ATL2: variants seen among roughly 807,000 people sequenced by gnomAD.
The protein encoded by ATL2 is atlastin GTPase 2, also known as atlastin-2.
In ATL2, 31 loss-of-function variants were observed where a neutral mutation model predicts 73.9. That is an observed-to-expected ratio of 0.42 (90% CI 0.32 to 0.57). ATL2 has a LOEUF of 0.57. ATL2 is among the 20% of genes least tolerant of loss of function. ATL2 has a pLI of 0.14. For synonymous variants in ATL2, 291 were observed against 237.5 expected (o/e 1.23, Z -2.07); for missense variants, 738 against 702.6 (o/e 1.05, Z -0.57).
intron 2 of ATL2, among the ~76,000 whole-genome samples, chr2:38,329,085 A>C (rs1668829575): frequency 6.6e-6 from 1 of 151,230 alleles, no homozygotes; most frequent in African/African-American, 2.4e-5. Context: ...GGAAAGAAAC[A>C]AACTACCAAA....
chr2:38,348,371 G>A (rs1670145773), intron 1 of ATL2, among the ~76,000 whole-genome samples: 1 of 151,648 alleles, frequency 6.6e-6, no homozygotes. Flanking sequence ...GAGGCTGAGG[G>A]AGGAGAATTG....
At chr2:38,305,798 A>G (rs999329878) in intron 9 of ATL2, among the ~76,000 whole-genome samples, 2 of 152,176 alleles carry the variant, frequency 1.3e-5, no homozygotes, top group Admixed American at 6.5e-5. Context: ...CTAAGAAACT[A>G]TATGGTAATA....
chr2:38,335,664 G>C (rs980447804), intron 2 of ATL2, among the ~76,000 whole-genome samples: 1 of 148,288 alleles, frequency 6.7e-6, no homozygotes, highest in Non-Finnish European at 1.5e-5. Context: ...AGAGACAGTG[G>C]TTACTATAAC....
chr2:38,331,609 T>C (rs974456736), intron 2 of ATL2, among the ~76,000 whole-genome samples: 5 of 82,176 alleles, frequency 6.1e-5, no homozygotes, highest in Admixed American at 2.5e-4. Context: ...CAAGACTCCA[T>C]CTCAAAAAAA....
intron 1 of ATL2, among the ~76,000 whole-genome samples, chr2:38,366,738 C>T (rs568135594): frequency 4.6e-5 from 7 of 152,218 alleles, no homozygotes; most frequent in African/African-American, 1.4e-4. Context: ...GAACAAGCAT[C>T]TGTCTACATT....
chr2:38,375,156 C>T lies in ATL2; in HGVS notation c.118+1987G>A, dbSNP rs981867131. Reference sequence around the variant, plus strand: ...CTAACACTAAACTACTCAAGTGACACTTGACCCCAACTTGGTTTTTGAAGC... The same window carrying T: ...CTAACACTAAACTACTCAAGTGACATTTGACCCCAACTTGGTTTTTGAAGC... On this transcript the variant is annotated intron_variant, in intron 1 of 12. Transcript: ENST00000378954. Among the ~76,000 whole-genome samples, 3 of 152,318 alleles carry T rather than the reference C, an allele frequency of 2.0e-5. No individual in the cohort carries two copies. The East Asian group carries it at 5.8e-4, about 29-fold the overall frequency.
At chr2:38,327,636 C>A (rs1483465341) in intron 2 of ATL2, among the ~76,000 whole-genome samples, 1 of 150,898 alleles carries the variant, frequency 6.6e-6, no homozygotes, top group Non-Finnish European at 1.5e-5. Context: ...GACCTAAATA[C>A]ACCAATTAAA....
Position 38,348,070 on chromosome 2 carries a change from C to T in ATL2, c.119-4558G>A, listed in dbSNP as rs565149332. 2.0e-5 allele frequency among the ~76,000 whole-genome samples: 3 copies of T among 151,982 alleles called. No individual in the cohort carries two copies. The East Asian group carries it at 5.8e-4, about 29-fold the overall frequency. ...GCATGAGCCACTATGCCTGGCCCTG[C>T]CCTTACCTAGTTTATAAGCAAATAT... On this transcript the variant is annotated intron_variant, in intron 1 of 12. Coordinates refer to ENST00000378954, the MANE Select transcript of ATL2 (RefSeq NM_001135673.4).
rs1667067542 is a variant in ATL2 at position 38,299,346 on chromosome 2, C to G, written c.1129-19G>C. On this transcript the variant is annotated intron_variant, in intron 10 of 12. Coordinates refer to ENST00000378954, the MANE Select transcript of ATL2 (RefSeq NM_001135673.4). ...CTGTTGCCTAAAAAATAAAATATGC[C>G]ATTATTATGCAAAAAATACTCTATG... The G allele has an allele frequency of 1.3e-6, 2 of 1,514,498 alleles. No homozygotes were observed. Among genetic ancestry groups the G allele is most frequent in the Non-Finnish European group, 1.7e-6 (2 of 1,143,588 alleles). The allele number at this position is 1,514,498 out of a possible 1,614,324, so 93.8% of individuals were successfully genotyped here. A position where few individuals can be genotyped will look rare whatever the true frequency, so the allele number is the denominator to read the frequency against.
intron 1 of ATL2, among the ~76,000 whole-genome samples, chr2:38,349,610 C>T (rs948751916): frequency 6.6e-6 from 1 of 150,892 alleles, no homozygotes; most frequent in Admixed American, 6.6e-5. Flanking sequence ...CAGCATGGCA[C>T]ATGTATACAT....
chr2:38,347,262 C>G (rs1670078478), intron 1 of ATL2, among the ~76,000 whole-genome samples: 1 of 152,210 alleles, frequency 6.6e-6, no homozygotes, highest in Non-Finnish European at 1.5e-5. Context: ...CACATGTCAT[C>G]TTACAACACA....
intron 6 of ATL2, among the ~76,000 whole-genome samples, chr2:38,314,126 T>C (rs1667901000): frequency 6.6e-6 from 1 of 152,154 alleles, no homozygotes; most frequent in East Asian, 1.9e-4. Flanking sequence ...CTACTGTAAC[T>C]GCAGCTCACC....
rs2124464670 is a variant in ATL2 at position 38,359,952 on chromosome 2, A to AC, written c.119-16441dup. ...AAACCAGCCTGGCCAATATGGTGAA[A>AC]CCCCGTCTCTACTAAAAATACCAAA... On this transcript the variant is annotated intron_variant, in intron 1 of 12. Transcript: ENST00000378954. Among the ~76,000 whole-genome samples, 3 of 151,802 alleles carry AC rather than the reference A, an allele frequency of 2.0e-5. No homozygotes were observed. The East Asian group carries it at 5.8e-4, about 29-fold the overall frequency.
chr2:38,355,830 G>C (rs374287844), intron 1 of ATL2, among the ~76,000 whole-genome samples: 1 of 151,490 alleles, frequency 6.6e-6, no homozygotes. Flanking sequence ...CTCCTGAGTA[G>C]TTGGGATTAC....
chr2:38,343,336 C>G lies in ATL2; in HGVS notation c.295G>C (p.Val99Leu). Reference protein sequence around the residue: ...IRDLNIVVVSVAGAFRKGKSF... With the variant: ...IRDLNIVVVSLAGAFRKGKSF... ...TTCCCTTTACGAAAAGCTCCTGCCA[C>G]AGATACCACTACTATGTTAAGATCT... The change falls in exon 2 of 13, where the codon GTG becomes CTG. Residue 99 changes from valine to leucine, a missense_variant. Transcript: ENST00000378954. The G allele has an allele frequency of 6.2e-7, 1 of 1,611,454 alleles. No homozygotes were observed. The highest frequency in any genetic ancestry group is 1.3e-5 in the African/African-American group (1 of 74,256).
intron 2 of ATL2, among the ~76,000 whole-genome samples, chr2:38,327,484 G>A (rs1472117821): frequency 1.6e-5 from 2 of 124,028 alleles, no homozygotes; most frequent in African/African-American, 6.0e-5. Flanking sequence ...CAAGTAAAAT[G>A]TTCAATTAAA....
chr2:38,333,637 C>T lies in ATL2; in HGVS notation c.363+9631G>A, dbSNP rs376148060. ...ATCTGTAATTTATGTTCTCTCAAAT[C>T]CAAAATGGAAATATGTGATGATAGG... is the stretch of plus-strand genomic sequence containing the variant. On this transcript the variant is annotated intron_variant, in intron 2 of 12. Coordinates refer to ENST00000378954, the MANE Select transcript of ATL2 (RefSeq NM_001135673.4). Among the ~76,000 whole-genome samples, 66 of 152,232 alleles carry T rather than the reference C, an allele frequency of 4.3e-4. 3 individuals carry two copies. In the South Asian group the frequency reaches 7.7e-3, roughly 18 times the overall value.
At chr2:38,313,741 G>C (rs1667880303) in intron 6 of ATL2, among the ~76,000 whole-genome samples, 1 of 152,146 alleles carries the variant, frequency 6.6e-6, no homozygotes, top group South Asian at 2.1e-4. Flanking sequence ...TCTTAGTTGT[G>C]TGTGGCTGTC....
intron 1 of ATL2, among the ~76,000 whole-genome samples, chr2:38,366,098 A>G (rs1396198310): frequency 4.4e-5 from 6 of 136,056 alleles, no homozygotes; most frequent in Non-Finnish European, 6.4e-5. Context: ...GACTAATTTG[A>G]AAAAAAAAAA....
Sources: gnomAD v4.1 joint callset for allele counts (sites outside exome capture counted in the v4.1 genomes callset) on GRCh38, gnomAD v4.1.1 for gene constraint, MANE v1.5 for transcripts, NCBI Gene and HGNC (gene_info 2026-07-23, HGNC 2026-07-21) for gene names.